Variants in IGFL2 observed in about 807,000 individuals in gnomAD.
IGFL2 encodes IGF like family member 2.
Under a neutral mutation model 13.9 loss-of-function variants are expected in IGFL2, and 7 were observed. That is an observed-to-expected ratio of 0.51 (90% confidence interval 0.29 to 0.95). IGFL2 has a LOEUF of 0.95. Among genes scored for constraint, IGFL2 ranks in the 40% least tolerant of loss-of-function variants. The pLI is 0.08. For synonymous variants in IGFL2, 55 were observed against 55.8 expected (o/e 0.99, Z 0.07); for missense variants, 138 against 147.8 (o/e 0.93, Z 0.34).
the IGFL2 span, among the ~76,000 whole-genome samples, chr19:46,099,560 A>T: frequency 2.1e-5 from 3 of 140,116 alleles, no homozygotes; most frequent in African/African-American, 5.3e-5. Context: ...ACGGAGTCTC[A>T]CTCTGTCACC....
chr19:46,121,606 A>G, the IGFL2 span, among the ~76,000 whole-genome samples: 1 of 150,688 alleles, frequency 6.6e-6, no homozygotes, highest in Non-Finnish European at 1.5e-5. Flanking sequence ...TTAGCCAGAG[A>G]TAAAACAACG....
At chr19:46,114,151 A>G in the IGFL2 span, among the ~76,000 whole-genome samples, 1 of 152,210 alleles carries the variant, frequency 6.6e-6, no homozygotes, top group African/African-American at 2.4e-5. Flanking sequence ...GACTTTATTA[A>G]TAACTGACAA....
chr19:46,110,232 C>T, the IGFL2 span, among the ~76,000 whole-genome samples: 614 of 152,316 alleles, frequency 4.0e-3, 1 homozygote, highest in African/African-American at 0.013. Flanking sequence ...TCATGCCACT[C>T]AGAAGAAGGT....
the IGFL2 span, among the ~76,000 whole-genome samples, chr19:46,116,127 A>G: frequency 6.6e-6 from 1 of 152,194 alleles, no homozygotes; most frequent in East Asian, 1.9e-4. Flanking sequence ...CATGTGCACA[A>G]CATGCAGGTT....
the IGFL2 span, chr19:46,190,451 T>C: frequency 1.3e-5 from 2 of 152,212 alleles, no homozygotes; most frequent in African/African-American, 4.8e-5. Flanking sequence ...TTGAGCAAAG[T>C]CTTAACTCAA....
chr19:46,197,217 C>G, the IGFL2 span: 1 of 207,876 alleles, frequency 4.8e-6, no homozygotes, highest in Non-Finnish European at 1.0e-5. Context: ...CCCCAGCGTC[C>G]CTCATGGTGA....
chr19:46,101,288 A>T, the IGFL2 span, among the ~76,000 whole-genome samples: 1 of 152,198 alleles, frequency 6.6e-6, no homozygotes, highest in South Asian at 2.1e-4. Flanking sequence ...AAACCCACTC[A>T]TCTGGGCTGC....
At chr19:46,080,257 C>T in the IGFL2 span, among the ~76,000 whole-genome samples, 19 of 152,118 alleles carry the variant, frequency 1.2e-4, no homozygotes, top group African/African-American at 3.4e-4. Context: ...ATTTAAGCTG[C>T]GAGCCGTGGC....
chr19:46,211,465 A>G, the IGFL2 span: 1 of 152,236 alleles, frequency 6.6e-6, no homozygotes, highest in Non-Finnish European at 1.5e-5. Context: ...CCCTGAGGGC[A>G]GATGGAAAGG....
intron 1 of IGFL2, among the ~76,000 whole-genome samples, chr19:46,152,443 AT>A (rs985325379): frequency 6.6e-6 from 1 of 151,812 alleles, no homozygotes; most frequent in Non-Finnish European, 1.5e-5. Flanking sequence ...TCCCTGGCTA[AT>A]TTTTTTATGT....
chr19:46,163,347 G>A (rs1974248095), downstream of IGFL2, among the ~76,000 whole-genome samples: 2 of 152,314 alleles, frequency 1.3e-5, no homozygotes, highest in African/African-American at 4.8e-5. Context: ...TTGTGGCCAA[G>A]GGTTGTTTGC....
chr19:46,208,084 C>T, the IGFL2 span: 1 of 152,250 alleles, frequency 6.6e-6, no homozygotes, highest in African/African-American at 2.4e-5. Flanking sequence ...AGGTTAATTA[C>T]TTACAGACAG....
the IGFL2 span, among the ~76,000 whole-genome samples, chr19:46,172,349 A>G: frequency 6.6e-6 from 1 of 152,150 alleles, no homozygotes; most frequent in Admixed American, 6.5e-5. Context: ...AACATGGGAA[A>G]ATGATAATAA....
the IGFL2 span, chr19:46,214,333 A>G: frequency 1.3e-5 from 2 of 152,222 alleles, no homozygotes; most frequent in African/African-American, 4.8e-5. Context: ...CGGGCTTCCC[A>G]GAATCACCAG....
chr19:46,204,813 T>A, the IGFL2 span: 2 of 152,444 alleles, frequency 1.3e-5, no homozygotes, highest in African/African-American at 4.8e-5. Context: ...AGTCTCACTC[T>A]GTCGCGCAGG....
At chr19:46,080,893 C>T in the IGFL2 span, among the ~76,000 whole-genome samples, 1 of 152,242 alleles carries the variant, frequency 6.6e-6, no homozygotes. Context: ...GCTTTCAGGA[C>T]TGTGTCCATC....
the IGFL2 span, among the ~76,000 whole-genome samples, chr19:46,210,426 CAATT>C: frequency 3.3e-5 from 5 of 152,022 alleles, no homozygotes; most frequent in South Asian, 4.1e-4. Flanking sequence ...TAGAGGGACA[CAATT>C]AATAGGGTTC....
At chr19:46,140,138 C>T (rs1029139548), upstream of IGFL2, among the ~76,000 whole-genome samples, 7 of 151,900 alleles carry the variant, frequency 4.6e-5, no homozygotes, top group East Asian at 3.9e-4. Flanking sequence ...TTGGTAGAGA[C>T]GGGGTTTCAC....
At chr19:46,125,711 G>T in the IGFL2 span, among the ~76,000 whole-genome samples, 1 of 152,106 alleles carries the variant, frequency 6.6e-6, no homozygotes, top group African/African-American at 2.4e-5. Flanking sequence ...CGGAGGTGTG[G>T]GGTGTGGTTT....
Sources: gnomAD v4.1 joint callset for allele counts (sites outside exome capture counted in the v4.1 genomes callset) on GRCh38, gnomAD v4.1.1 for gene constraint, MANE v1.5 for transcripts, NCBI Gene and HGNC (gene_info 2026-07-23, HGNC 2026-07-21) for gene names.